PRH1: variants seen among roughly 807,000 people sequenced by gnomAD.
PRH1 encodes salivary acidic proline-rich phosphoprotein 1/2.
PRH1 carries 7 observed loss-of-function variants against 7.9 expected under a neutral mutation model. The ratio of observed to expected loss-of-function variants is 0.89; its 90% CI spans 0.50 to 1.67. The LOEUF (loss-of-function observed/expected upper bound fraction) is 1.67. PRH1 is among the 40% of genes most tolerant of loss of function. The pLI is 0.00. For synonymous variants in PRH1, 45 were observed against 80.8 expected (o/e 0.56, Z 2.38); for missense variants, 109 against 223.6 (o/e 0.49, Z 3.27).
chr12:10,968,385 G>T (rs1214252221), intron 2 of PRH1, among the ~76,000 whole-genome samples: 1 of 152,128 alleles, frequency 6.6e-6, no homozygotes, highest in East Asian at 1.9e-4. Context: ...TCCAATTTAT[G>T]AATGTACATA....
Position 11,015,780 on chromosome 12 carries a change from C to A in PRH1, c.-126+31240G>T, listed in dbSNP as rs573882451. On this transcript the variant is annotated intron_variant, in intron 1 of 3. Transcript: ENST00000539853. ...GAATTCCTGGGTTTGTAACAGAGTG[C>A]CCCATTTTTTCTAAGAAACAGGGAA... Among the ~76,000 whole-genome samples, 14 of 152,148 alleles carry A rather than the reference C, an allele frequency of 9.2e-5. 1 individual carries two copies. The South Asian group carries it at 2.9e-3, about 32-fold the overall frequency.
At chr12:10,906,739 T>C (rs1949809855) in intron 2 of PRH1, among the ~76,000 whole-genome samples, 1 of 152,208 alleles carries the variant, frequency 6.6e-6, no homozygotes, top group Non-Finnish European at 1.5e-5. Context: ...TCTCTGCCAT[T>C]ATTGTGAGGC....
intron 2 of PRH1, among the ~76,000 whole-genome samples, chr12:10,907,205 A>G (rs1416028030): frequency 6.6e-6 from 1 of 152,200 alleles, no homozygotes; most frequent in Non-Finnish European, 1.5e-5. Flanking sequence ...TAAGTTAAAC[A>G]TACACTTATC....
intron 1 of PRH1, among the ~76,000 whole-genome samples, chr12:11,013,585 A>G (rs555350074): frequency 1.3e-5 from 2 of 152,298 alleles, no homozygotes; most frequent in Middle Eastern, 3.4e-3. Context: ...TTCTCTACTT[A>G]GATCATTATG....
intron 2 of PRH1, chr12:10,932,304 A>T: frequency 2.6e-6 from 1 of 377,924 alleles, no homozygotes; most frequent in Admixed American, 2.5e-5. Context: ...TATACCAATA[A>T]AATAATCAGC....
At chr12:10,971,164 G>T (rs1211975624) in intron 2 of PRH1, among the ~76,000 whole-genome samples, 1 of 152,144 alleles carries the variant, frequency 6.6e-6, no homozygotes, top group Non-Finnish European at 1.5e-5. Flanking sequence ...CCCCATATAT[G>T]CCTTCTGTTG....
intron 1 of PRH1, among the ~76,000 whole-genome samples, chr12:11,017,544 T>C (rs1022999694): frequency 6.6e-6 from 1 of 152,084 alleles, no homozygotes; most frequent in African/African-American, 2.4e-5. Context: ...GAATGCAGTG[T>C]TGCAATCCCG....
intron 1 of PRH1, among the ~76,000 whole-genome samples, chr12:11,080,137 T>C (rs1161877251): frequency 4.8e-5 from 1 of 21,022 alleles, no homozygotes; most frequent in Non-Finnish European, 2.5e-4. Context: ...TATGATCATC[T>C]TTTTTTAAAT....
chr12:11,003,962 G>A (rs866003058), intron 1 of PRH1, among the ~76,000 whole-genome samples: 29 of 152,032 alleles, frequency 1.9e-4, no homozygotes, highest in Admixed American at 3.3e-4. Context: ...GGTCATTTGG[G>A]AGACTTCTCA....
intron 1 of PRH1, among the ~76,000 whole-genome samples, chr12:11,070,629 T>C (rs1479520694): frequency 1.3e-5 from 2 of 152,198 alleles, no homozygotes; most frequent in African/African-American, 2.4e-5. Flanking sequence ...TTCTTACTTA[T>C]GCCCCTCAGT....
At chr12:10,966,716 A>T (rs10845254) in intron 2 of PRH1, among the ~76,000 whole-genome samples, 37,012 of 152,124 alleles carry the variant, frequency 0.24, 4,559 homozygotes, top group Non-Finnish European at 0.25. Flanking sequence ...GGTACTCTGC[A>T]AAACCAAGCG....
downstream of PRH1, among the ~76,000 whole-genome samples, chr12:11,116,828 A>G (rs773718368): frequency 8.5e-5 from 13 of 152,100 alleles, no homozygotes; most frequent in Admixed American, 3.9e-4. Flanking sequence ...AGAACCATAT[A>G]AACGTTTTAA....
chr12:10,910,686 G>T (rs1180760697), intron 2 of PRH1, among the ~76,000 whole-genome samples: 1 of 152,006 alleles, frequency 6.6e-6, no homozygotes, highest in Non-Finnish European at 1.5e-5. Flanking sequence ...AAAAAAAGTG[G>T]ATTACCAAAA....
intron 1 of PRH1, chr12:11,134,370 C>G (rs1190720778): frequency 3.3e-5 from 38 of 1,149,168 alleles, no homozygotes; most frequent in Non-Finnish European, 4.1e-5. Context: ...ATTCTTTTTA[C>G]TTTTAATTGC....
At chr12:11,069,199 G>T (rs79311157) in intron 1 of PRH1, among the ~76,000 whole-genome samples, 1 of 132,098 alleles carries the variant, frequency 7.6e-6, no homozygotes, top group Non-Finnish European at 1.7e-5. Flanking sequence ...TTACAGGCTT[G>T]AGCCACAGCA....
intron 1 of PRH1, chr12:11,062,416 T>C: frequency 7.7e-7 from 1 of 1,291,304 alleles, no homozygotes. Context: ...TGACATTCTT[T>C]TTACTTTTAA....
chr12:11,142,456 G>A (rs993845029), intron 1 of PRH1, among the ~76,000 whole-genome samples: 2 of 152,168 alleles, frequency 1.3e-5, no homozygotes, highest in Non-Finnish European at 2.9e-5. Context: ...CTTCAAAGCT[G>A]CCCTAATCAG....
intron 1 of PRH1, among the ~76,000 whole-genome samples, chr12:11,003,188 C>T (rs1398723578): frequency 6.6e-6 from 1 of 151,770 alleles, no homozygotes; most frequent in Non-Finnish European, 1.5e-5. Context: ...TACTATAATG[C>T]TGTATTCTTT....
intron 1 of PRH1, among the ~76,000 whole-genome samples, chr12:11,031,965 T>C (rs1942244158): frequency 6.6e-6 from 1 of 152,224 alleles, no homozygotes; most frequent in East Asian, 1.9e-4. Flanking sequence ...TTACTTTTAA[T>C]TGTTGTGACC....
Sources: gnomAD v4.1 joint callset for allele counts (sites outside exome capture counted in the v4.1 genomes callset) on GRCh38, gnomAD v4.1.1 for gene constraint, MANE v1.5 for transcripts, NCBI Gene and HGNC (gene_info 2026-07-23, HGNC 2026-07-21) for gene names.